Variants in ZNF212 observed in about 807,000 individuals in gnomAD.
ZNF212 encodes the protein Zinc finger protein C2H2-150.
Under a neutral mutation model 47.3 loss-of-function variants are expected in ZNF212, and 32 were observed. That is an observed-to-expected ratio of 0.68 (90% confidence interval 0.51 to 0.91). The LOEUF (loss-of-function observed/expected upper bound fraction) is 0.91. ZNF212 is among the 40% of genes least tolerant of loss of function. ZNF212 has a pLI of 0.00. For synonymous variants in ZNF212, 242 were observed against 253.8 expected (o/e 0.95, Z 0.44); for missense variants, 555 against 622.8 (o/e 0.89, Z 1.16).
intron 1 of ZNF212, among the ~76,000 whole-genome samples, chr7:149,241,109 G>A (rs911167086): frequency 6.6e-6 from 1 of 152,070 alleles, no homozygotes; most frequent in African/African-American, 2.4e-5. Context: ...CCTACATGTC[G>A]TCAGTAGACC....
intron 1 of ZNF212, among the ~76,000 whole-genome samples, chr7:149,245,342 C>T (rs935194538): frequency 2.2e-5 from 3 of 136,208 alleles, no homozygotes; most frequent in South Asian, 2.3e-4. Context: ...GGCGACAGAG[C>T]GAGAGACTCC....
chr7:149,247,861 GAA>G (rs1796699612), intron 1 of ZNF212, among the ~76,000 whole-genome samples: 1 of 152,202 alleles, frequency 6.6e-6, no homozygotes, highest in Non-Finnish European at 1.5e-5. Flanking sequence ...AATTCATGAA[GAA>G]AAGAGGTTTA....
At position 149,250,143 on chromosome 7, in the gene ZNF212, G is replaced by T; in HGVS notation, c.25-16G>T. The T allele has an allele frequency of 6.7e-7, 1 of 1,500,962 alleles. No homozygotes were observed. The highest frequency in any genetic ancestry group is 8.9e-7 in the Non-Finnish European group (1 of 1,127,188). The allele number at this position is 1,500,962 out of a possible 1,614,324, so 93.0% of individuals were successfully genotyped here. On this transcript the variant is annotated splice_polypyrimidine_tract_variant and intron_variant, in intron 1 of 4. Transcript: ENST00000335870. Reference sequence around the variant, plus strand: ...TGTTTGGAAGTGACATTGACCCTGTGTCTTTAATCCATCAGCACAGGAGAA... The same window carrying T: ...TGTTTGGAAGTGACATTGACCCTGTTTCTTTAATCCATCAGCACAGGAGAA...
rs1387429039 is a variant in ZNF212, at chr7:149,246,174, CTTTG to C, written c.25-3981_25-3978del. On this transcript the variant is annotated intron_variant, in intron 1 of 4. Coordinates refer to ENST00000335870, the MANE Select transcript of ZNF212 (RefSeq NM_012256.4). The stretch of plus-strand genomic sequence containing the variant: ...CAAATATTCTCTCCTTGTTTTTAGA[CTTTG>C]TTTATGTTATCTTTTATTACAGCTA... Among the ~76,000 whole-genome samples the C allele has an allele frequency of 3.9e-5, 6 of 152,238 alleles. No individual in the cohort carries two copies. In the South Asian group the frequency reaches 6.2e-4, roughly 16 times the overall value.
rs763097331 is a variant in ZNF212, at chr7:149,252,802, G to A, written c.631+7G>A. On this transcript the variant is annotated splice_region_variant and intron_variant, in intron 4 of 4. Coordinates refer to ENST00000335870, the MANE Select transcript of ZNF212 (RefSeq NM_012256.4). Reference sequence around the variant, plus strand: ...CCTGGTGGTGCCCACCCAGGTGAGTGGCTCTGGAATATTCTGTTCCCCTTC... The same window carrying A: ...CCTGGTGGTGCCCACCCAGGTGAGTAGCTCTGGAATATTCTGTTCCCCTTC... 13 of 1,613,434 alleles carry A rather than the reference G, an allele frequency of 8.1e-6. No individual in the cohort carries two copies. The highest frequency in any genetic ancestry group is 1.0e-5 in the Non-Finnish European group (12 of 1,179,868).
At chr7:149,243,849 T>A (rs1481899502) in intron 1 of ZNF212, among the ~76,000 whole-genome samples, 3 of 152,248 alleles carry the variant, frequency 2.0e-5, no homozygotes, top group Admixed American at 2.0e-4. Flanking sequence ...CTGCACTGTT[T>A]AATACAGTGG....
rs1796557307 is a variant in ZNF212, at chr7:149,239,709, C to A, written c.-70C>A. On this transcript the variant is annotated 5_prime_UTR_variant, in exon 1 of 5. Coordinates refer to ENST00000335870, the MANE Select transcript of ZNF212 (RefSeq NM_012256.4). ...CGGCGGCTTCCAACAGGCTCTGGGG[C>A]GCCGAGCGGACAGGAACGCAGCACG... 1 of 1,276,344 alleles carries A rather than the reference C, an allele frequency of 7.8e-7. No individual in the cohort carries two copies. Among genetic ancestry groups the A allele is most frequent in the African/African-American group, 1.5e-5 (1 of 64,666 alleles). The allele number at this position is 1,276,344 out of a possible 1,614,324, so 79.1% of individuals were successfully genotyped here. A position where few individuals can be genotyped will look rare whatever the true frequency, so the allele number is the denominator to read the frequency against.
chr7:149,254,213 G>C lies in ZNF212; in HGVS notation c.1286G>C (p.Cys429Ser). Residue 429 changes from cysteine (C) to serine (S), a missense_variant, in exon 5 of 5, where the codon TGT becomes TCT. Cys to Ser is a moderately radical substitution (Grantham distance 112, BLOSUM62 -1). Coordinates refer to ENST00000335870, the MANE Select transcript of ZNF212 (RefSeq NM_012256.4). This position sits in a 1 kb window ranked among gnomAD's most constrained non-coding sequence, Gnocchi z 4.5. ...AGGAAAAGCCGGAGTTCCCTCATCTGTGGTTACTGTGGCAAGAGCTTCAGT... is the reference window on the plus strand; with the variant it reads ...AGGAAAAGCCGGAGTTCCCTCATCTCTGGTTACTGTGGCAAGAGCTTCAGT... ...PWRKSRSSLI[C>S]GYCGKSFSHP... 6.2e-7 allele frequency: 1 copy of C among 1,614,262 alleles called. No homozygotes were observed. The highest frequency in any genetic ancestry group is 8.5e-7 in the Non-Finnish European group (1 of 1,180,044).
chr7:149,251,197 T>C lies in ZNF212; in HGVS notation c.541+390T>C, dbSNP rs532610613. The C allele has an allele frequency of 1.5e-5, 4 of 264,884 alleles. No homozygotes were observed. In the East Asian group the frequency reaches 4.1e-4, roughly 27 times the overall value. 16.4% of individuals were successfully genotyped at this position (264,884 alleles called of 1,614,324 possible). On this transcript the variant is annotated intron_variant, in intron 3 of 4. Transcript: ENST00000335870. ...TATTTTATCTTTTTTTTTTCTTTTT[T>C]TCTTTGAGACAGAGTCTTGCTCTAT...
In ZNF212 at chr7:149,253,539, G is replaced by A. The variant is rs1468799306; in HGVS notation, c.632-20G>A. The A allele has an allele frequency of 8.3e-6, 13 of 1,572,812 alleles. No individual in the cohort carries two copies. The highest frequency in any genetic ancestry group is 1.0e-5 in the Non-Finnish European group (12 of 1,157,784). On this transcript the variant is annotated intron_variant, in intron 4 of 4. Transcript: ENST00000335870. ...GTACTAGAATGTGATCTTTTTTGTT[G>A]GTCTTCTTCCACTTTGCAGCAGGTG...
At chr7:149,252,587 A>G (rs756244885) in intron 3 of ZNF212, 119 bp from the exon 4 acceptor site, 5 of 880,960 alleles carry the variant, frequency 5.7e-6, no homozygotes, top group African/African-American at 1.7e-5. Flanking sequence ...TGACAAGAAC[A>G]GTAGCCTTTG....
At chr7:149,243,002 G>A (rs34264850) in intron 1 of ZNF212, among the ~76,000 whole-genome samples, 68,105 of 152,012 alleles carry the variant, frequency 0.45, 16,124 homozygotes, top group African/African-American at 0.59. Context: ...ATAAATCAAA[G>A]CTAATGAACA....
intron 1 of ZNF212, among the ~76,000 whole-genome samples, chr7:149,247,960 A>G (rs1796700556): frequency 6.6e-6 from 1 of 152,188 alleles, no homozygotes; most frequent in Non-Finnish European, 1.5e-5. Context: ...CTCATGGCAG[A>G]AAATGGAAGG....
At chr7:149,242,798 G>A (rs1272388588) in intron 1 of ZNF212, among the ~76,000 whole-genome samples, 1 of 152,168 alleles carries the variant, frequency 6.6e-6, no homozygotes, top group Non-Finnish European at 1.5e-5. Context: ...CAGAACTAAA[G>A]TGTTTAAAGG....
chr7:149,243,433 C>CAAAAAAAAAAAA (rs869068988), intron 1 of ZNF212, among the ~76,000 whole-genome samples: 2 of 56,020 alleles, frequency 3.6e-5, no homozygotes, highest in African/African-American at 6.5e-5. Context: ...GACTCCGTCT[C>CAAAAAAAAAAAA]AAAAAAAAAA....
intron 3 of ZNF212, among the ~76,000 whole-genome samples, chr7:149,251,978 C>T (rs1183417625): frequency 6.7e-6 from 1 of 149,594 alleles, no homozygotes; most frequent in African/African-American, 2.5e-5. Flanking sequence ...ATTTGATAAC[C>T]CTATGTTACC....
chr7:149,253,599 G>A lies in ZNF212; in HGVS notation c.672G>A (p.Gln224=). ...VMIKQELQYT[Q]EGPADLPGEF... ...TCAAACAGGAGCTACAGTATACACA[G>A]GAAGGCCCTGCGGATCTTCCTGGAG... Residue 224 remains glutamine (Q), a synonymous_variant, in exon 5 of 5, where the codon CAG becomes CAA. Transcript: ENST00000335870. The A allele has an allele frequency of 6.2e-7, 1 of 1,613,708 alleles. No homozygotes were observed. The highest frequency in any genetic ancestry group is 8.5e-7 in the Non-Finnish European group (1 of 1,179,674).
At chr7:149,246,715 C>T (rs912276850) in intron 1 of ZNF212, among the ~76,000 whole-genome samples, 2 of 151,452 alleles carry the variant, frequency 1.3e-5, no homozygotes, top group African/African-American at 4.9e-5. Flanking sequence ...TCTCCTATCC[C>T]TAGCCCTTGG....
intron 4 of ZNF212, 94 bp downstream of exon 4, chr7:149,252,889 T>C: frequency 8.1e-7 from 1 of 1,238,924 alleles, no homozygotes; most frequent in East Asian, 2.5e-5. Context: ...GCTGACTTGG[T>C]GACCTCATCT....
Sources: allele counts gnomAD v4.1 joint callset (sites outside exome capture counted in the v4.1 genomes callset), GRCh38; gene constraint gnomAD v4.1.1; non-coding constraint Gnocchi (gnomAD v3.1); transcripts MANE v1.5; gene names NCBI Gene and HGNC (gene_info 2026-07-23, HGNC 2026-07-21).